ADRA1A: variants seen among roughly 807,000 people sequenced by gnomAD.
The protein encoded by ADRA1A is adrenoceptor alpha 1A, also known as alpha-1A adrenergic receptor.
In ADRA1A, 31 loss-of-function variants were observed where a neutral mutation model predicts 29.6. That is an observed-to-expected ratio of 1.05 (90% CI 0.79 to 1.41). The LOEUF (loss-of-function observed/expected upper bound fraction) is 1.41, where lower values mean the gene tolerates loss of function less well. ADRA1A is among the 40% of genes most tolerant of loss of function. The pLI, the probability that ADRA1A is intolerant of heterozygous loss-of-function variation, is 0.00. For missense variants in ADRA1A, 619 were observed against 601.1 expected, an observed-to-expected ratio of 1.03 and a Z score of -0.31; for synonymous variants, 311 against 254.3, an observed-to-expected ratio of 1.22 and a Z score of -2.12.
chr8:26,866,903 G>A lies in ADRA1A; in HGVS notation c.-687+33C>T. On this transcript the variant is annotated intron_variant, in intron 1 of 2. Transcript: ENST00000380573. The surrounding 1 kb of genome is among the most constrained non-coding windows in gnomAD (Gnocchi z 5.7). ...GGGGGAGGTCTGCCCTCACCCACTC[G>A]GCCCTGCGGGACGCCGGCCCCGGCG... The A allele has an allele frequency of 1.0e-6, 1 of 985,410 alleles. No individual in the cohort carries two copies. Among genetic ancestry groups the A allele is most frequent in the Non-Finnish European group, 1.2e-6 (1 of 829,962 alleles). The allele number at this position is 985,410 out of a possible 1,614,324, so 61.0% of individuals were successfully genotyped here. A position where few individuals can be genotyped will look rare whatever the true frequency, so the allele number is the denominator to read the frequency against.
chr8:26,783,146 A>G (rs1236687964), intron 2 of ADRA1A, among the ~76,000 whole-genome samples: 1 of 152,208 alleles, frequency 6.6e-6, no homozygotes, highest in African/African-American at 2.4e-5. Context: ...CAAACATGAC[A>G]CTATCCCTCC....
downstream of ADRA1A, chr8:26,756,372 A>C (rs1010074206): frequency 4.2e-6 from 5 of 1,203,076 alleles, no homozygotes; most frequent in African/African-American, 6.2e-5. Context: ...CTTATTGAAG[A>C]AACTGGGGTG....
At position 26,796,602 on chromosome 8, in the gene ADRA1A, A is replaced by C. The variant is rs1376127100; in HGVS notation, c.884-25936T>G. Among the ~76,000 whole-genome samples the C allele has an allele frequency of 2.0e-5, 3 of 152,144 alleles. No homozygotes were observed. Among genetic ancestry groups the C allele is most frequent in the African/African-American group, 7.2e-5 (3 of 41,436 alleles). On this transcript the variant is annotated intron_variant, in intron 2 of 2. Coordinates refer to ENST00000380573, the MANE Select transcript of ADRA1A (RefSeq NM_000680.4). This position sits in a 1 kb window ranked among gnomAD's most constrained non-coding sequence, Gnocchi z 5.0. ...AGATTCGAGGACAAATGTATCCTAC[A>C]CGTGGCCGCAGAGAACAGACACCAT...
chr8:26,864,076 T>C lies in ADRA1A; in HGVS notation c.883+11A>G. 6.2e-7 allele frequency: 1 copy of C among 1,608,310 alleles called. No individual in the cohort carries two copies. The highest frequency in any genetic ancestry group is 1.3e-5 in the African/African-American group (1 of 74,838). On this transcript the variant is annotated intron_variant, in intron 2 of 2. Transcript: ENST00000380573. This position sits in a 1 kb window ranked among gnomAD's most constrained non-coding sequence, Gnocchi z 8.1. ...CCCCAGATGCTAAAGTGAGGGGTGTTCAAGACTTACCAATGGGCATGACTA... is the reference window on the plus strand; with the variant it reads ...CCCCAGATGCTAAAGTGAGGGGTGTCCAAGACTTACCAATGGGCATGACTA...
downstream of ADRA1A, among the ~76,000 whole-genome samples, chr8:26,764,702 G>A (rs746191720): frequency 1.3e-5 from 2 of 152,158 alleles, no homozygotes; most frequent in Non-Finnish European, 2.9e-5. Context: ...ACTTAAGATA[G>A]GCACAATTAC....
chr8:26,756,505 G>A, exon 3 of ADRA1A: 1 of 1,520,258 alleles, frequency 6.6e-7, no homozygotes, highest in Non-Finnish European at 8.8e-7. Context: ...TGTCCCTGAA[G>A]GCTCTTTTCC....
intron 2 of ADRA1A, among the ~76,000 whole-genome samples, chr8:26,774,804 A>G (rs895364564): frequency 1.3e-5 from 2 of 152,182 alleles, no homozygotes; most frequent in African/African-American, 4.8e-5. Flanking sequence ...AAGCAGCTGC[A>G]TGGCCCCAAA....
chr8:26,800,650 G>A (rs1808508267), intron 2 of ADRA1A, among the ~76,000 whole-genome samples: 1 of 152,014 alleles, frequency 6.6e-6, no homozygotes. Context: ...CCCAATCAAT[G>A]GTTTTATTGC....
At position 26,865,129 on chromosome 8, in the gene ADRA1A, C is replaced by A; in HGVS notation, c.-160G>T. The A allele has an allele frequency of 6.9e-7, 1 of 1,458,574 alleles. No homozygotes were observed. Among genetic ancestry groups the A allele is most frequent in the Non-Finnish European group, 9.0e-7 (1 of 1,113,600 alleles). The allele number at this position is 1,458,574 out of a possible 1,614,324, so 90.4% of individuals were successfully genotyped here. A position where few individuals can be genotyped will look rare whatever the true frequency, so the allele number is the denominator to read the frequency against. On this transcript the variant is annotated 5_prime_UTR_variant, in exon 2 of 3. Transcript: ENST00000380573. This position sits in a 1 kb window ranked among gnomAD's most constrained non-coding sequence, Gnocchi z 7.6. ...TGAGAGCGCGCGCGCGGGTGGGAAA[C>A]AACCCTGGCCAGCCCTGGGAACCCT...
At chr8:26,843,258 A>C (rs1811960357) in intron 2 of ADRA1A, among the ~76,000 whole-genome samples, 1 of 152,252 alleles carries the variant, frequency 6.6e-6, no homozygotes, top group Admixed American at 6.5e-5. Context: ...TGCTTTGTGA[A>C]CATGTCTTGA....
chr8:26,848,729 A>T lies in ADRA1A; in HGVS notation c.883+15358T>A, dbSNP rs2130733099. ...CTTCTTCTTTCCTAGGAAAAGAGTC[A>T]TTAAACTCTACACGTTTCACACAAT... On this transcript the variant is annotated intron_variant, in intron 2 of 2. Coordinates refer to ENST00000380573, the MANE Select transcript of ADRA1A (RefSeq NM_000680.4). This position sits in a 1 kb window ranked among gnomAD's most constrained non-coding sequence, Gnocchi z 4.3. Among the ~76,000 whole-genome samples the T allele has an allele frequency of 6.6e-6, 1 of 152,306 alleles. No homozygotes were observed. The highest frequency in any genetic ancestry group is 1.9e-4 in the East Asian group (1 of 5,174).
chr8:26,820,660 C>T (rs534248522), intron 2 of ADRA1A, among the ~76,000 whole-genome samples: 1 of 152,282 alleles, frequency 6.6e-6, no homozygotes, highest in African/African-American at 2.4e-5. Flanking sequence ...GGCACATGCA[C>T]CATATGCCCA....
chr8:26,854,621 T>G (rs956878478), intron 2 of ADRA1A: 4 of 151,680 alleles, frequency 2.6e-5, no homozygotes, highest in Non-Finnish European at 5.9e-5. Context: ...GTGCAGGAGG[T>G]TGTCAAAGTT....
At chr8:26,753,161 C>T (rs1410689719), downstream of ADRA1A, among the ~76,000 whole-genome samples, 1 of 152,172 alleles carries the variant, frequency 6.6e-6, no homozygotes, top group East Asian at 1.9e-4. Flanking sequence ...AGAGAAGAAC[C>T]TCCATCAAAG....
rs1449658220 is a variant in ADRA1A, at chr8:26,796,078, A to T, written c.884-25412T>A. On this transcript the variant is annotated intron_variant, in intron 2 of 2. Coordinates refer to ENST00000380573, the MANE Select transcript of ADRA1A (RefSeq NM_000680.4). The surrounding 1 kb of genome is among the most constrained non-coding windows in gnomAD (Gnocchi z 5.0). ...TGTTATACATTTCAAAAAAAGAGTA[A>T]TGTTTAGAAGTAAATAGTAAAATAT... 6.6e-6 allele frequency among the ~76,000 whole-genome samples: 1 copy of T among 152,152 alleles called. No individual in the cohort carries two copies. The highest frequency in any genetic ancestry group is 1.9e-4 in the East Asian group (1 of 5,196).
intron 2 of ADRA1A, among the ~76,000 whole-genome samples, chr8:26,785,578 C>T (rs1028628210): frequency 4.6e-5 from 7 of 151,692 alleles, no homozygotes; most frequent in Non-Finnish European, 1.5e-5. Context: ...GTAGAAATAT[C>T]CTCCAATTAT....
At chr8:26,758,111 A>G (rs1331392948) in intron 2 of ADRA1A, among the ~76,000 whole-genome samples, 15 of 152,182 alleles carry the variant, frequency 9.9e-5, no homozygotes. Flanking sequence ...CCAGGTGGGG[A>G]TATTTCCAAC....
intron 2 of ADRA1A, among the ~76,000 whole-genome samples, chr8:26,818,905 A>C (rs981283440): frequency 6.6e-6 from 1 of 152,182 alleles, no homozygotes; most frequent in African/African-American, 2.4e-5. Flanking sequence ...AGAGAGAGAG[A>C]AAGCGGCAGA....
chr8:26,855,886 G>C (rs567030661), intron 2 of ADRA1A, among the ~76,000 whole-genome samples: 1 of 152,322 alleles, frequency 6.6e-6, no homozygotes, highest in South Asian at 2.1e-4. Flanking sequence ...AAATGCCTTA[G>C]AAAACTGTCC....
Sources: allele counts gnomAD v4.1 joint callset (sites outside exome capture counted in the v4.1 genomes callset), GRCh38; gene constraint gnomAD v4.1.1; non-coding constraint Gnocchi (gnomAD v3.1); transcripts MANE v1.5; gene names NCBI Gene and HGNC (gene_info 2026-07-23, HGNC 2026-07-21).